Variants in TP63 observed in about 807,000 individuals in gnomAD.
TP63 encodes the protein tumor protein 63.
A neutral mutation model predicts 82.8 loss-of-function variants in TP63; 17 were observed. That is an observed-to-expected ratio of 0.21 (90% CI 0.14 to 0.31). TP63 has a LOEUF of 0.31. TP63 is among the 10% of genes least tolerant of loss of function. The pLI, the probability that TP63 is intolerant of heterozygous loss-of-function variation, is 1.00. For missense variants in TP63, 648 were observed against 895.3 expected (o/e 0.72, Z 3.52); for synonymous variants, 330 against 321.7 (o/e 1.03, Z -0.28).
chr3:189,768,796 A>G (rs1293410385), intron 3 of TP63, among the ~76,000 whole-genome samples: 4 of 152,160 alleles, frequency 2.6e-5, no homozygotes, highest in African/African-American at 7.2e-5. Flanking sequence ...TCATGTACAG[A>G]TTAAATGAAT....
intron 3 of TP63, among the ~76,000 whole-genome samples, chr3:189,771,508 A>C (rs1723373916): frequency 6.9e-6 from 1 of 144,380 alleles, no homozygotes; most frequent in African/African-American, 2.5e-5. Context: ...AAATATATTA[A>C]ATATATAATA....
At chr3:189,691,195 C>T (rs555101565) in intron 1 of TP63, among the ~76,000 whole-genome samples, 256 of 151,392 alleles carry the variant, frequency 1.7e-3, no homozygotes, top group African/African-American at 5.7e-3. Flanking sequence ...AAAAATTAGC[C>T]GGGCGTGGTG....
the TP63 span, among the ~76,000 whole-genome samples, chr3:189,623,602 G>T: frequency 6.6e-6 from 1 of 152,116 alleles, no homozygotes; most frequent in Non-Finnish European, 1.5e-5. Context: ...GTTACCAATG[G>T]CCCCTAGCAC....
At chr3:189,847,572 C>T (rs1715054544) in intron 4 of TP63, among the ~76,000 whole-genome samples, 1 of 152,220 alleles carries the variant, frequency 6.6e-6, no homozygotes, top group Non-Finnish European at 1.5e-5. Flanking sequence ...TTATTTCCCC[C>T]CACCCATCAC....
At chr3:189,718,928 TAAG>T (rs987023284) in intron 1 of TP63, among the ~76,000 whole-genome samples, 34 of 152,010 alleles carry the variant, frequency 2.2e-4, no homozygotes, top group African/African-American at 8.2e-4. Context: ...TTAACAGAAA[TAAG>T]AATATAAAGA....
chr3:189,752,693 T>A (rs1721910242), intron 3 of TP63, among the ~76,000 whole-genome samples: 1 of 152,114 alleles, frequency 6.6e-6, no homozygotes, highest in Non-Finnish European at 1.5e-5. Flanking sequence ...TGCTTTCTTT[T>A]TCTTTGGGTT....
chr3:189,682,572 A>G (rs55649584), intron 1 of TP63, among the ~76,000 whole-genome samples: 23,980 of 50,008 alleles, frequency 0.48, 3,371 homozygotes, highest in Non-Finnish European at 0.55. Context: ...ATATATATAT[A>G]TATATATATA....
At chr3:189,707,112 A>G (rs1718261683) in intron 1 of TP63, among the ~76,000 whole-genome samples, 1 of 152,238 alleles carries the variant, frequency 6.6e-6, no homozygotes, top group South Asian at 2.1e-4. Context: ...AGACATGATC[A>G]TTTTTAATAG....
the TP63 span, among the ~76,000 whole-genome samples, chr3:189,597,009 A>AACCC: frequency 2.0e-5 from 3 of 152,134 alleles, no homozygotes; most frequent in African/African-American, 7.2e-5. Context: ...CGAGACCACG[A>AACCC]ACCCACCGTA....
In TP63 at chr3:189,894,830, C is replaced by CTA; in HGVS notation, c.*337_*338dup. 1 of 314,520 alleles carries CTA rather than the reference C, an allele frequency of 3.2e-6. No homozygotes were observed. Among genetic ancestry groups the CTA allele is most frequent in the Non-Finnish European group, 6.0e-6 (1 of 167,126 alleles). 19.5% of individuals were successfully genotyped at this position (314,520 alleles called of 1,614,324 possible). A position where few individuals can be genotyped will look rare whatever the true frequency, so the allele number is the denominator to read the frequency against. ...GCATGTTCACCCTTATAGTCTAAGA[C>CTA]TATATATATAAATGTATAAATATAC... On this transcript the variant is annotated 3_prime_UTR_variant, in exon 14 of 14. Transcript: ENST00000264731.
chr3:189,653,798 A>G (rs1035030523), intron 1 of TP63, among the ~76,000 whole-genome samples: 1 of 152,204 alleles, frequency 6.6e-6, no homozygotes, highest in African/African-American at 2.4e-5. Flanking sequence ...CTCACAAACC[A>G]TATTTAACTT....
intron 3 of TP63, among the ~76,000 whole-genome samples, chr3:189,752,368 G>T (rs1721885944): frequency 6.6e-6 from 1 of 151,910 alleles, no homozygotes; most frequent in South Asian, 2.1e-4. Flanking sequence ...GTAGAGATGG[G>T]GTTTCACCGT....
At chr3:189,889,782 GC>G (rs1265766399) in intron 12 of TP63, among the ~76,000 whole-genome samples, 1 of 152,108 alleles carries the variant, frequency 6.6e-6, no homozygotes, top group African/African-American at 2.4e-5. Flanking sequence ...ATTGTCAATT[GC>G]GGCCCTCAAG....
intron 4 of TP63, among the ~76,000 whole-genome samples, chr3:189,811,020 T>C (rs1727504493): frequency 6.6e-6 from 1 of 152,098 alleles, no homozygotes; most frequent in Non-Finnish European, 1.5e-5. Flanking sequence ...GGTACACTGG[T>C]AAAATTTCCT....
At chr3:189,853,512 T>C (rs1715912404) in intron 4 of TP63, among the ~76,000 whole-genome samples, 2 of 152,318 alleles carry the variant, frequency 1.3e-5, no homozygotes, top group African/African-American at 4.8e-5. Flanking sequence ...CAGGTATATA[T>C]ATGGCCCAGC....
intron 1 of TP63, among the ~76,000 whole-genome samples, chr3:189,713,272 A>G (rs115676206): frequency 0.015 from 2,345 of 152,282 alleles, 53 homozygotes; most frequent in Middle Eastern, 0.054. Context: ...TACTGAATGA[A>G]TGGACAAACT....
intron 3 of TP63, among the ~76,000 whole-genome samples, chr3:189,765,392 G>T (rs1722862700): frequency 7.0e-6 from 1 of 143,802 alleles, no homozygotes; most frequent in Admixed American, 7.2e-5. Flanking sequence ...AAGGAAAATT[G>T]GGGTTTTCAA....
intron 3 of TP63, among the ~76,000 whole-genome samples, chr3:189,744,173 C>A (rs1316439415): frequency 6.6e-6 from 1 of 152,106 alleles, no homozygotes; most frequent in Admixed American, 6.5e-5. Flanking sequence ...AGTCAGTGAC[C>A]CCTTCACCCC....
At chr3:189,625,015 GCCA>G in the TP63 span, among the ~76,000 whole-genome samples, 37 of 152,226 alleles carry the variant, frequency 2.4e-4, no homozygotes, top group East Asian at 6.0e-3. Flanking sequence ...AAATCCCACA[GCCA>G]CTCCATCACA....
Sources: gnomAD v4.1 joint callset for allele counts (sites outside exome capture counted in the v4.1 genomes callset) on GRCh38, gnomAD v4.1.1 for gene constraint, MANE v1.5 for transcripts, NCBI Gene and HGNC (gene_info 2026-07-23, HGNC 2026-07-21) for gene names.